Variants in SOX6 observed in about 807,000 individuals in gnomAD.
SOX6 encodes the protein SRY-box transcription factor 6, also known as transcription factor SOX-6.
SOX6 carries 11 observed loss-of-function variants against 97.8 expected under a neutral mutation model. That is an observed-to-expected ratio of 0.11 (90% CI 0.07 to 0.19). The LOEUF is 0.19. Among genes scored for constraint, SOX6 ranks in the 10% least tolerant of loss-of-function variants. SOX6 has a pLI of 1.00. For synonymous variants in SOX6, 360 were observed against 371.4 expected (o/e 0.97, Z 0.35); for missense variants, 810 against 1,039.5 (o/e 0.78, Z 3.04).
At chr11:16,420,821 T>C (rs143213260) in intron 1 of SOX6, among the ~76,000 whole-genome samples, 1 of 152,220 alleles carries the variant, frequency 6.6e-6, no homozygotes, top group African/African-American at 2.4e-5. Flanking sequence ...TTATCCCACA[T>C]TTACATCGGG....
At chr11:16,295,347 T>C (rs1466411777) in intron 3 of SOX6, among the ~76,000 whole-genome samples, 2 of 152,062 alleles carry the variant, frequency 1.3e-5, no homozygotes, top group Admixed American at 6.6e-5. Context: ...GTTCAACAAA[T>C]ACTTTAGGAA....
intron 3 of SOX6, among the ~76,000 whole-genome samples, chr11:16,258,596 A>G (rs903430986): frequency 6.6e-6 from 1 of 151,986 alleles, no homozygotes; most frequent in Admixed American, 6.6e-5. Context: ...TTTTTACGGT[A>G]GTGAAACTAT....
At chr11:15,991,098 T>C (rs939418241) in intron 13 of SOX6, among the ~76,000 whole-genome samples, 6 of 152,182 alleles carry the variant, frequency 3.9e-5, no homozygotes, top group Non-Finnish European at 5.9e-5. Context: ...CTGAAGATTA[T>C]ACAAAAATAA....
Position 16,523,081 on chromosome 11 carries a change from A to G in SOX6, n.610-46693T>C, listed in dbSNP as rs568023230. On this transcript the variant is annotated intron_variant and non_coding_transcript_variant, in intron 4 of 5. Transcript: ENST00000524520. ...ACATTAGACAGATCAACAACACAAA[A>G]AGTTAACAAGGATATCCAGGAATTG... Among the ~76,000 whole-genome samples, 4 of 152,244 alleles carry G rather than the reference A, an allele frequency of 2.6e-5. No individual in the cohort carries two copies. The East Asian group carries it at 5.8e-4, about 22-fold the overall frequency.
chr11:15,967,249 T>G lies in SOX6; in HGVS notation c.*5560A>C, dbSNP rs561904502. 6.6e-6 allele frequency: 1 copy of G among 152,310 alleles called. No individual in the cohort carries two copies. Among genetic ancestry groups the G allele is most frequent in the Non-Finnish European group, 1.5e-5 (1 of 68,032 alleles). The allele number at this position is 152,310 out of a possible 1,614,324, so 9.4% of individuals were successfully genotyped here. A position where few individuals can be genotyped will look rare whatever the true frequency, so the allele number is the denominator to read the frequency against. ...TGCTCCAGGATGTATTAAATGCCCT[T>G]AGCAATTCAAGGGCCACACCCAGTG... On this transcript the variant is annotated 3_prime_UTR_variant, in exon 16 of 16. Transcript: ENST00000683767.
At chr11:16,288,973 A>G (rs1365373477) in intron 3 of SOX6, among the ~76,000 whole-genome samples, 1 of 151,946 alleles carries the variant, frequency 6.6e-6, no homozygotes, top group Non-Finnish European at 1.5e-5. Context: ...CTAATCCACA[A>G]ACTGATAATT....
At chr11:16,182,905 T>G (rs1161773874) in intron 6 of SOX6, among the ~76,000 whole-genome samples, 1 of 148,246 alleles carries the variant, frequency 6.7e-6, no homozygotes, top group African/African-American at 2.5e-5. Flanking sequence ...ATGCTACTGA[T>G]TTTTTTTTTA....
At chr11:16,297,925 A>G (rs1382013645) in intron 3 of SOX6, among the ~76,000 whole-genome samples, 1 of 152,190 alleles carries the variant, frequency 6.6e-6, no homozygotes, top group East Asian at 1.9e-4. Flanking sequence ...CTATTTTCCC[A>G]TCACTTTAGG....
chr11:16,561,876 A>C (rs1242025785), intron 4 of SOX6, among the ~76,000 whole-genome samples: 1 of 148,188 alleles, frequency 6.7e-6, no homozygotes, highest in African/African-American at 2.5e-5. Flanking sequence ...CTACATGTAC[A>C]CATCACCACA....
At position 16,283,434 on chromosome 11, in the gene SOX6, A is replaced by T. The variant is rs563613299; in HGVS notation, c.445+35012T>A. ...GTTGTACAATAAAATTGCTCAAGAA[A>T]ATTATGTTCAAAAGGTGAAACAATA... On this transcript the variant is annotated intron_variant, in intron 3 of 15. Coordinates refer to ENST00000683767, the MANE Select transcript of SOX6 (RefSeq NM_001367873.1). 1.1e-4 allele frequency among the ~76,000 whole-genome samples: 17 copies of T among 151,788 alleles called. No individual in the cohort carries two copies. The South Asian group carries it at 2.9e-3, about 26-fold the overall frequency.
chr11:16,380,055 C>T (rs1306364024), intron 1 of SOX6, among the ~76,000 whole-genome samples: 1 of 151,596 alleles, frequency 6.6e-6, no homozygotes, highest in Non-Finnish European at 1.5e-5. Context: ...TAGATAGGCA[C>T]AGACATAAAA....
chr11:16,219,681 C>T (rs1178847845), intron 4 of SOX6, among the ~76,000 whole-genome samples: 1 of 152,002 alleles, frequency 6.6e-6, no homozygotes, highest in African/African-American at 2.4e-5. Context: ...TGAAAATACA[C>T]ATATTTTATT....
intron 1 of SOX6, among the ~76,000 whole-genome samples, chr11:16,426,181 G>A (rs1402221126): frequency 3.0e-5 from 4 of 133,828 alleles, no homozygotes; most frequent in Admixed American, 8.3e-5. Flanking sequence ...GTGTGAACCC[G>A]GGAGGCAGAG....
intron 12 of SOX6, among the ~76,000 whole-genome samples, chr11:16,022,950 T>A (rs1490036270): frequency 6.6e-6 from 1 of 152,166 alleles, no homozygotes; most frequent in African/African-American, 2.4e-5. Flanking sequence ...CCTGTTACAA[T>A]AAAATGGAAT....
intron 12 of SOX6, among the ~76,000 whole-genome samples, chr11:16,037,918 T>C: frequency 6.6e-6 from 1 of 152,346 alleles, no homozygotes; most frequent in Admixed American, 6.5e-5. Context: ...ACCAATTATG[T>C]GTCAGGTTCT....
intron 4 of SOX6, among the ~76,000 whole-genome samples, chr11:16,504,234 G>C (rs976360090): frequency 3.3e-5 from 5 of 151,946 alleles, no homozygotes; most frequent in Non-Finnish European, 5.9e-5. Context: ...AATACTGAAA[G>C]TCCTAGCCAG....
chr11:15,980,359 A>C (rs1361539863), intron 15 of SOX6, among the ~76,000 whole-genome samples: 1 of 151,876 alleles, frequency 6.6e-6, no homozygotes, highest in Non-Finnish European at 1.5e-5. Flanking sequence ...CTTAGGGAAG[A>C]CTCCTCCAAT....
At chr11:16,099,614 A>T (rs1848889981) in intron 7 of SOX6, among the ~76,000 whole-genome samples, 1 of 151,478 alleles carries the variant, frequency 6.6e-6, no homozygotes, top group Non-Finnish European at 1.5e-5. Context: ...AACATTTTTC[A>T]TGTCAAACAT....
At chr11:16,424,392 T>C (rs1565140562) in intron 1 of SOX6, among the ~76,000 whole-genome samples, 3 of 152,130 alleles carry the variant, frequency 2.0e-5, no homozygotes, top group Non-Finnish European at 2.9e-5. Context: ...GCAAGACAAA[T>C]GGTATTTTAA....
Sources: allele counts gnomAD v4.1 joint callset (sites outside exome capture counted in the v4.1 genomes callset), GRCh38; gene constraint gnomAD v4.1.1; transcripts MANE v1.5; gene names NCBI Gene and HGNC (gene_info 2026-07-23, HGNC 2026-07-21).